EMX2: variants seen among roughly 807,000 people sequenced by gnomAD.
EMX2 encodes empty spiracles homeobox 2, also known as homeobox protein EMX2.
In EMX2, 6 loss-of-function variants were observed where a neutral mutation model predicts 23.0. The ratio of observed to expected loss-of-function variants is 0.26; its 90% CI spans 0.14 to 0.52. The LOEUF (loss-of-function observed/expected upper bound fraction) is 0.52. EMX2 is among the 20% of genes least tolerant of loss of function. The pLI is 0.97. For missense variants in EMX2, 302 were observed against 341.4 expected, an observed-to-expected ratio of 0.88 and a Z score of 0.91; for synonymous variants, 175 against 153.3, an observed-to-expected ratio of 1.14 and a Z score of -1.04.
chr10:117,544,055 G>A (rs1426689838), intron 1 of EMX2, among the ~76,000 whole-genome samples: 1 of 152,220 alleles, frequency 6.6e-6, no homozygotes, highest in African/African-American at 2.4e-5. Context: ...TGGCTCCGAG[G>A]GGCGCGGACA....
Position 117,543,409 on chromosome 10 carries a change from C to A in EMX2, c.142C>A (p.Leu48Ile). The change falls in exon 1 of 3, where the codon CTC becomes ATC. Residue 48 changes from leucine (L) to isoleucine (I), a missense_variant. By Grantham distance (5) the Leu-to-Ile change is conservative. Coordinates refer to ENST00000553456, the MANE Select transcript of EMX2 (RefSeq NM_004098.4). ...TAACTCCAGCCCCATAAATCCGTTC[C>A]TCAACGGCTTCCACTCGGCCGCCGC... ...YANSSPINPF[L>I]NGFHSAAAAA... The A allele has an allele frequency of 6.3e-7, 1 of 1,592,176 alleles. No individual in the cohort carries two copies. The highest frequency in any genetic ancestry group is 8.5e-7 in the Non-Finnish European group (1 of 1,170,160).
At position 117,543,608 on chromosome 10, in the gene EMX2, G is replaced by C; in HGVS notation, c.341G>C (p.Arg114Pro). The part of the protein sequence containing the change: ...SPHPLFASQQ[R>P]DPSTFYPWLI... ...CACCCCCTATTCGCCTCGCAGCAGC[G>C]GGATCCGTCCACCTTCTACCCCTGG... The change falls in exon 1 of 3, where the codon CGG becomes CCG. Residue 114 changes from arginine to proline, a missense_variant. Around this residue, in one of 4 missense-constraint regions of EMX2, gnomAD observed 221 missense variants for 206.8 expected, o/e 1.07. Transcript: ENST00000553456. 4 of 1,613,060 alleles carry C rather than the reference G, an allele frequency of 2.5e-6. No homozygotes were observed. The highest frequency in any genetic ancestry group is 3.4e-6 in the Non-Finnish European group (4 of 1,179,646).
At position 117,548,466 on chromosome 10, in the gene EMX2, A is replaced by G; in HGVS notation, c.*234A>G. 1.6e-6 allele frequency: 1 copy of G among 624,546 alleles called. No individual in the cohort carries two copies. The allele number at this position is 624,546 out of a possible 1,614,324, so 38.7% of individuals were successfully genotyped here. A position where few individuals can be genotyped will look rare whatever the true frequency, so the allele number is the denominator to read the frequency against. On this transcript the variant is annotated 3_prime_UTR_variant, in exon 3 of 3. Transcript: ENST00000553456. ...GAGGATGGAGGCTCCTTCATCAACA[A>G]GCGACCCTCGTCTAAAGAGGCAGCT...
Position 117,548,356 on chromosome 10 carries a change from G to A in EMX2, c.*124G>A. The A allele has an allele frequency of 7.2e-7, 1 of 1,397,828 alleles. No individual in the cohort carries two copies. The highest frequency in any genetic ancestry group is 9.7e-7 in the Non-Finnish European group (1 of 1,032,152). 86.6% of individuals were successfully genotyped at this position (1,397,828 alleles called of 1,614,324 possible). A position where few individuals can be genotyped will look rare whatever the true frequency, so the allele number is the denominator to read the frequency against. Reference sequence around the variant, plus strand: ...TACACGTTCACCGAGAAAGGGAGAGGGAATCGGAGGGAGCAGCGGAATGCG... The same window carrying A: ...TACACGTTCACCGAGAAAGGGAGAGAGAATCGGAGGGAGCAGCGGAATGCG... On this transcript the variant is annotated 3_prime_UTR_variant, in exon 3 of 3. Transcript: ENST00000553456.
chr10:117,545,562 G>T (rs1846565247), intron 1 of EMX2, 70 bp from the exon 2 acceptor site: 5 of 1,596,576 alleles, frequency 3.1e-6, no homozygotes, highest in Middle Eastern at 2.0e-4. Flanking sequence ...GGCCAGCCCG[G>T]CTCGGGAGAA....
Position 117,548,131 on chromosome 10 carries a change from G to T in EMX2, c.658G>T (p.Asp220Tyr), listed in dbSNP as rs1178485532. 1 of 1,613,780 alleles carries T rather than the reference G, an allele frequency of 6.2e-7. No homozygotes were observed. The highest frequency in any genetic ancestry group is 2.2e-5 in the East Asian group (1 of 44,884). ...KRQKLEEEGSDSQQKKKGTHH... is the reference protein window; with the variant it reads ...KRQKLEEEGSYSQQKKKGTHH... ...GCAGAAGCTGGAGGAAGAAGGCTCA[G>T]ATTCGCAACAAAAGAAAAAAGGGAC... The change falls in exon 3 of 3, where the codon GAT becomes TAT. Residue 220 changes from aspartate (D) to tyrosine (Y), a missense_variant. Physicochemically the swap from Asp to Tyr is radical, Grantham distance 160. This residue lies in a region of EMX2 where 42 missense variants were observed against 49.3 expected (regional missense o/e 0.85). Coordinates refer to ENST00000553456, the MANE Select transcript of EMX2 (RefSeq NM_004098.4).
In EMX2 at chr10:117,543,325, A is replaced by G. The variant is rs765299136; in HGVS notation, c.58A>G (p.Ser20Gly). Residue 20 changes from serine to glycine, a missense_variant, in exon 1 of 3, where the codon AGT (serine) becomes GGT (glycine). Ser to Gly is a moderately conservative substitution (Grantham distance 56, BLOSUM62 0). Coordinates refer to ENST00000553456, the MANE Select transcript of EMX2 (RefSeq NM_004098.4). Reference sequence around the variant, plus strand: ...CATCGAGTCGCTGGTGGCCAAGGACAGTCCCCTGCCCGCCTCGCGCTCCGA... The same window carrying G: ...CATCGAGTCGCTGGTGGCCAAGGACGGTCCCCTGCCCGCCTCGCGCTCCGA... ...FTIESLVAKDSPLPASRSEDP... is the reference protein window; with the variant it reads ...FTIESLVAKDGPLPASRSEDP... The G allele has an allele frequency of 1.9e-6, 3 of 1,553,196 alleles. No individual in the cohort carries two copies. Among genetic ancestry groups the G allele is most frequent in the South Asian group, 1.2e-5 (1 of 84,348 alleles).
chr10:117,548,066 T>C lies in EMX2; in HGVS notation c.593T>C (p.Val198Ala). ...AHSLSLTETQVKVWFQNRRTK... is the reference protein window; with the variant it reads ...AHSLSLTETQAKVWFQNRRTK... ...ACCCCATCTGCCTCTCACCCGCAGG[T>C]AAAAGTATGGTTTCAGAACCGAAGA... Residue 198 changes from valine (V) to alanine (A), a missense_variant and splice_region_variant, in exon 3 of 3, where the codon GTA becomes GCA. Physicochemically the swap from Val to Ala is moderately conservative, Grantham distance 64. Transcript: ENST00000553456. The C allele has an allele frequency of 6.2e-7, 1 of 1,608,514 alleles. No individual in the cohort carries two copies. Among genetic ancestry groups the C allele is most frequent in the South Asian group, 1.1e-5 (1 of 89,918 alleles).
rs1846619302 is a variant in EMX2 at position 117,548,861 on chromosome 10, G to A, written c.*629G>A. On this transcript the variant is annotated 3_prime_UTR_variant, in exon 3 of 3. Coordinates refer to ENST00000553456, the MANE Select transcript of EMX2 (RefSeq NM_004098.4). ...ATGTAGCAGTTGTTGGGCGAATGGT[G>A]TTTAAAGACCGAAAATGAATTGTAA... The A allele has an allele frequency of 2.5e-6, 1 of 396,420 alleles. No homozygotes were observed. Among genetic ancestry groups the A allele is most frequent in the Non-Finnish European group, 4.4e-6 (1 of 225,144 alleles). The allele number at this position is 396,420 out of a possible 1,614,324, so 24.6% of individuals were successfully genotyped here.
At chr10:117,544,904 CG>C (rs1846553229) in intron 1 of EMX2, 1 of 152,190 alleles carries the variant, frequency 6.6e-6, no homozygotes, top group Non-Finnish European at 1.5e-5. Flanking sequence ...TCACCAGACC[CG>C]GAGCCGCTGG....
In EMX2 at chr10:117,543,614, C is replaced by T; in HGVS notation, c.347C>T (p.Pro116Leu). The change falls in exon 1 of 3, where the codon CCG becomes CTG. Residue 116 changes from proline (P) to leucine (L), a missense_variant. Coordinates refer to ENST00000553456, the MANE Select transcript of EMX2 (RefSeq NM_004098.4). ...HPLFASQQRDPSTFYPWLIHR... is the reference protein window; with the variant it reads ...HPLFASQQRDLSTFYPWLIHR... ...CTATTCGCCTCGCAGCAGCGGGATC[C>T]GTCCACCTTCTACCCCTGGCTCATC... The T allele has an allele frequency of 6.2e-7, 1 of 1,613,564 alleles. No individual in the cohort carries two copies. Among genetic ancestry groups the T allele is most frequent in the Non-Finnish European group, 8.5e-7 (1 of 1,179,736 alleles).
At chr10:117,544,161 C>A (rs1274502988) in intron 1 of EMX2, 1 of 208,684 alleles carries the variant, frequency 4.8e-6, no homozygotes, top group Non-Finnish European at 9.6e-6. Flanking sequence ...CTTAGTCTTC[C>A]ACCCTCTTCT....
intron 2 of EMX2, 140 bp from the exon 3 acceptor site, chr10:117,547,925 C>T: frequency 8.0e-7 from 1 of 1,244,308 alleles, no homozygotes; most frequent in East Asian, 2.5e-5. Context: ...CTTGGGGAGG[C>T]TGGACCTTAG....
rs770122962 is a variant in EMX2, at chr10:117,543,661, C to A, written c.394C>A (p.His132Asn). The A allele has an allele frequency of 6.2e-7, 1 of 1,613,606 alleles. No individual in the cohort carries two copies. Among genetic ancestry groups the A allele is most frequent in the South Asian group, 1.1e-5 (1 of 91,082 alleles). Residue 132 changes from histidine to asparagine, a missense_variant, in exon 1 of 3, where the codon CAT becomes AAT. Coordinates refer to ENST00000553456, the MANE Select transcript of EMX2 (RefSeq NM_004098.4). ...WLIHRYRYLG[H>N]RFQGNDTSPE... ...CATCCACCGCTACCGATATCTGGGTCATCGCTTCCAAGGTACGTGCCACGT... is the reference window on the plus strand; with the variant it reads ...CATCCACCGCTACCGATATCTGGGTAATCGCTTCCAAGGTACGTGCCACGT...
Position 117,548,267 on chromosome 10 carries a change from T to C in EMX2, c.*35T>C. 1 of 1,608,218 alleles carries C rather than the reference T, an allele frequency of 6.2e-7. No individual in the cohort carries two copies. The highest frequency in any genetic ancestry group is 1.1e-5 in the South Asian group (1 of 90,500). ...CCTAACCCCACAGAAACGGACAACA[T>C]GGAGCAAAAGAGACAGGGAGAGGTG... On this transcript the variant is annotated 3_prime_UTR_variant, in exon 3 of 3. Coordinates refer to ENST00000553456, the MANE Select transcript of EMX2 (RefSeq NM_004098.4).
Position 117,543,495 on chromosome 10 carries a change from G to A in EMX2, c.228G>A (p.Ser76=). 1 of 1,608,858 alleles carries A rather than the reference G, an allele frequency of 6.2e-7. No homozygotes were observed. Among genetic ancestry groups the A allele is most frequent in the South Asian group, 1.1e-5 (1 of 90,876 alleles). Residue 76 remains serine, a synonymous_variant, in exon 1 of 3, where the codon TCG becomes TCA. Coordinates refer to ENST00000553456, the MANE Select transcript of EMX2 (RefSeq NM_004098.4). The part of the protein sequence containing the change: ...NPDLVFAEAV[S]HPPNPAVPVH... ...ACTTGGTGTTCGCCGAGGCGGTCTC[G>A]CACCCGCCCAACCCCGCCGTGCCAG... is the stretch of plus-strand genomic sequence containing the variant.
intron 2 of EMX2, among the ~76,000 whole-genome samples, chr10:117,546,518 T>TC (rs1275499947): frequency 6.6e-6 from 1 of 151,894 alleles, no homozygotes; most frequent in African/African-American, 2.4e-5. Flanking sequence ...CAGTAACGTT[T>TC]TTTTGGGCAG....
At chr10:117,547,512 C>A (rs372111118) in intron 2 of EMX2, among the ~76,000 whole-genome samples, 5 of 152,154 alleles carry the variant, frequency 3.3e-5, no homozygotes, top group African/African-American at 1.2e-4. Flanking sequence ...GGATGCAGCT[C>A]AGGCAAACCC....
rs975265960 is a variant in EMX2, at chr10:117,543,612, T to C, written c.345T>C (p.Asp115=). 4 of 1,613,170 alleles carry C rather than the reference T, an allele frequency of 2.5e-6. No individual in the cohort carries two copies. Among genetic ancestry groups the C allele is most frequent in the Non-Finnish European group, 3.4e-6 (4 of 1,179,688 alleles). ...PHPLFASQQR[D]PSTFYPWLIH... The stretch of plus-strand genomic sequence containing the variant: ...CCCTATTCGCCTCGCAGCAGCGGGA[T>C]CCGTCCACCTTCTACCCCTGGCTCA... Residue 115 remains aspartate, a synonymous_variant, in exon 1 of 3, where the codon GAT becomes GAC. Coordinates refer to ENST00000553456, the MANE Select transcript of EMX2 (RefSeq NM_004098.4).
Sources: allele counts gnomAD v4.1 joint callset (sites outside exome capture counted in the v4.1 genomes callset), GRCh38; gene constraint gnomAD v4.1.1; regional missense constraint gnomAD v4.1.1; transcripts MANE v1.5; gene names NCBI Gene and HGNC (gene_info 2026-07-23, HGNC 2026-07-21).